ZC3H13: variants seen among roughly 807,000 people sequenced by gnomAD.
ZC3H13 encodes the protein zinc finger CCCH domain-containing protein 13.
ZC3H13 carries 64 observed loss-of-function variants against 204.1 expected under a neutral mutation model. The observed-to-expected ratio is 0.31, with a 90% CI of 0.26 to 0.39. ZC3H13 has a LOEUF of 0.39. Ranked by LOEUF, ZC3H13 falls within the 10% of genes least tolerant of loss-of-function variation. ZC3H13 has a pLI of 1.00. For synonymous variants in ZC3H13, 667 were observed against 693.7 expected (o/e 0.96, Z 0.60); for missense variants, 1,833 against 2,082.7 (o/e 0.88, Z 2.33).
chr13:45,977,819 A>G lies in ZC3H13; in HGVS notation c.1913-1981T>C, dbSNP rs553238161. 1.8e-4 allele frequency among the ~76,000 whole-genome samples: 27 copies of G among 152,138 alleles called. No individual in the cohort carries two copies. The South Asian group carries it at 5.4e-3, about 30-fold the overall frequency. ...TTTTTGATGAAAATTATTTCTTCCA[A>G]CTGTTTAAAAGTAGTTATCTTGTAG... On this transcript the variant is annotated intron_variant, in intron 11 of 18. Transcript: ENST00000679008.
rs374272761 is a variant in ZC3H13, at chr13:45,962,905, A to T, written c.4675+937T>A. On this transcript the variant is annotated intron_variant, in intron 17 of 18. Coordinates refer to ENST00000679008, the MANE Select transcript of ZC3H13 (RefSeq NM_001330564.2). ...TAAACTAAGGTAGGTACTAGATGAG[A>T]CAGAGACAGTGAAAACCAAAACCAA... 1.4e-5 allele frequency: 14 copies of T among 985,284 alleles called. No individual in the cohort carries two copies. In the African/African-American group the frequency reaches 2.3e-4, roughly 16 times the overall value. The allele number at this position is 985,284 out of a possible 1,614,324, so 61.0% of individuals were successfully genotyped here.
intron 8 of ZC3H13, among the ~76,000 whole-genome samples, chr13:45,998,276 T>A (rs946953902): frequency 1.3e-5 from 2 of 152,106 alleles, no homozygotes; most frequent in Non-Finnish European, 2.9e-5. Context: ...CACACAAATT[T>A]TTTGGTTTCC....
chr13:45,973,027 G>A lies in ZC3H13; in HGVS notation c.2468+2256C>T, dbSNP rs142563894. Among the ~76,000 whole-genome samples the A allele has an allele frequency of 3.0e-3, 455 of 152,342 alleles. 2 individuals are homozygous for A. The highest frequency in any genetic ancestry group is 7.9e-3 in the South Asian group (38 of 4,830). On this transcript the variant is annotated intron_variant, in intron 12 of 18. Transcript: ENST00000679008. ...AATGTTGATACAGGAGTTACTCCAA[G>A]TGAGACCAACAGAACAACCACTCTA...
At chr13:45,962,251 A>C in intron 17 of ZC3H13, 2 of 985,364 alleles carry the variant, frequency 2.0e-6, no homozygotes, top group Non-Finnish European at 2.4e-6. Context: ...TAGCAGCAAA[A>C]ATAGAAGAAG....
intron 8 of ZC3H13, among the ~76,000 whole-genome samples, chr13:45,996,314 A>G (rs9316178): frequency 0.75 from 113,716 of 152,042 alleles, 42,995 homozygotes; most frequent in African/African-American, 0.85. Context: ...TATTCCCTTC[A>G]AAAATTATCT....
intron 12 of ZC3H13, among the ~76,000 whole-genome samples, chr13:45,971,127 T>G (rs1952548322): frequency 6.6e-6 from 1 of 152,222 alleles, no homozygotes; most frequent in African/African-American, 2.4e-5. Context: ...ATCACTTTCT[T>G]GCTGACAAAT....
At chr13:45,975,237 T>C in intron 12 of ZC3H13, 46 bp downstream of exon 12, 2 of 1,561,098 alleles carry the variant, frequency 1.3e-6, no homozygotes, top group East Asian at 2.3e-5. Context: ...CTTTGAATTC[T>C]TTCCTGAAAT....
At chr13:46,047,899 CA>C (rs71074749) in intron 1 of ZC3H13, among the ~76,000 whole-genome samples, 116,830 of 151,412 alleles carry the variant, frequency 0.77, 45,433 homozygotes, top group African/African-American at 0.86. Context: ...AAAACAGGCA[CA>C]ACCATCCCAC....
chr13:46,019,607 C>G (rs991746496), intron 5 of ZC3H13, among the ~76,000 whole-genome samples: 1 of 152,038 alleles, frequency 6.6e-6, no homozygotes, highest in Non-Finnish European at 1.5e-5. Context: ...ATTACAGTGC[C>G]CATCTTTCAG....
At chr13:45,970,331 T>A in intron 13 of ZC3H13, 31 bp downstream of exon 13, 1 of 1,600,876 alleles carries the variant, frequency 6.2e-7, no homozygotes. Flanking sequence ...TGAATATGAA[T>A]ATAGAGAGAC....
In ZC3H13 at chr13:46,032,680, C is replaced by T. The variant is rs2042975646; in HGVS notation, c.339+9484G>A. 2.0e-5 allele frequency among the ~76,000 whole-genome samples: 3 copies of T among 151,996 alleles called. No homozygotes were observed. The South Asian group carries it at 6.2e-4, about 32-fold the overall frequency. On this transcript the variant is annotated intron_variant, in intron 4 of 18. Transcript: ENST00000679008. ...TCCCTAAGACACAGACACAAAAATG[C>T]AAAATAACAATTGCATATATTCCCT...
At chr13:46,044,099 T>C (rs1161281846) in intron 3 of ZC3H13, among the ~76,000 whole-genome samples, 2 of 151,346 alleles carry the variant, frequency 1.3e-5, no homozygotes, top group Admixed American at 6.6e-5. Context: ...AGTTGGCTAA[T>C]GTTGAGGGTT....
chr13:45,993,960 C>T (rs1364748542), intron 8 of ZC3H13, among the ~76,000 whole-genome samples: 2 of 152,200 alleles, frequency 1.3e-5, no homozygotes, highest in Non-Finnish European at 2.9e-5. Context: ...GTTCAGATTT[C>T]ATTTTTGCAT....
chr13:45,957,159 A>G lies in ZC3H13; in HGVS notation c.4978T>C (p.Ser1660Pro), dbSNP rs1339244074. 1.3e-6 allele frequency: 2 copies of G among 1,546,452 alleles called. No individual in the cohort carries two copies. Among genetic ancestry groups the G allele is most frequent in the Non-Finnish European group, 8.7e-7 (1 of 1,144,882 alleles). Residue 1660 changes from serine (S) to proline (P), a missense_variant, in exon 19 of 19, where the codon TCC becomes CCC. Coordinates refer to ENST00000679008, the MANE Select transcript of ZC3H13 (RefSeq NM_001330564.2). The stretch of plus-strand genomic sequence containing the variant: ...ACACACAGTTCCTGTTGGATACTGG[A>G]CTGTGAAAGTTTATTATCTTCAGTC... ...EKTEDNKLSQSSIQQELCVS is the reference protein window; with the variant it reads ...EKTEDNKLSQPSIQQELCVS
intron 4 of ZC3H13, among the ~76,000 whole-genome samples, chr13:46,041,160 A>T (rs1009930322): frequency 3.3e-5 from 5 of 152,178 alleles, no homozygotes; most frequent in African/African-American, 1.2e-4. Flanking sequence ...CAGGAGTCAA[A>T]AAGTAGAAAA....
chr13:45,958,648 G>GTTTC lies in ZC3H13; in HGVS notation c.4839+834_4839+835insGAAA, dbSNP rs1413203609. 1.8e-3 allele frequency among the ~76,000 whole-genome samples: 222 copies of GTTTC among 123,660 alleles called. 4 individuals carry two copies. Among genetic ancestry groups the GTTTC allele is most frequent in the African/African-American group, 6.0e-3 (199 of 32,926 alleles). 81.1% of individuals were successfully genotyped at this position (123,660 alleles called of 152,430 possible). A position where few individuals can be genotyped will look rare whatever the true frequency, so the allele number is the denominator to read the frequency against. On this transcript the variant is annotated intron_variant, in intron 18 of 18. Coordinates refer to ENST00000679008, the MANE Select transcript of ZC3H13 (RefSeq NM_001330564.2). ...CTCACCACCCCAAATAAAAATCCCAGTTTTTTTTTTTTTTTTTTTTTTTTT... is the reference window on the plus strand; with the variant it reads ...CTCACCACCCCAAATAAAAATCCCAGTTTCTTTTTTTTTTTTTTTTTTTTTTTTT...
At chr13:46,012,669 A>T (rs1291332378) in intron 5 of ZC3H13, among the ~76,000 whole-genome samples, 1 of 152,238 alleles carries the variant, frequency 6.6e-6, no homozygotes, top group Non-Finnish European at 1.5e-5. Flanking sequence ...ACAATTTCTC[A>T]GTAAATATAT....
chr13:46,048,204 A>C (rs1161779666), intron 1 of ZC3H13, among the ~76,000 whole-genome samples: 1 of 152,086 alleles, frequency 6.6e-6, no homozygotes, highest in Non-Finnish European at 1.5e-5. Context: ...CTGTTGCCTG[A>C]TTCGCACTAC....
At chr13:46,051,009 G>A (rs1335591679) in intron 1 of ZC3H13, among the ~76,000 whole-genome samples, 5 of 152,278 alleles carry the variant, frequency 3.3e-5, no homozygotes, top group African/African-American at 1.2e-4. Context: ...GGAGTTGGGA[G>A]AGATGAGGAG....
Sources: allele counts gnomAD v4.1 joint callset (sites outside exome capture counted in the v4.1 genomes callset), GRCh38; gene constraint gnomAD v4.1.1; transcripts MANE v1.5; gene names NCBI Gene and HGNC (gene_info 2026-07-23, HGNC 2026-07-21).